The following PTPRD variants were observed in gnomAD, a reference collection of about 807,000 sequenced individuals.
PTPRD encodes the protein protein tyrosine phosphatase receptor type D, also known as receptor-type tyrosine-protein phosphatase delta.
Under a neutral mutation model 214.5 loss-of-function variants are expected in PTPRD, and 34 were observed. The observed-to-expected ratio is 0.16, with a 90% confidence interval of 0.12 to 0.21. The LOEUF (loss-of-function observed/expected upper bound fraction) is 0.21. PTPRD is among the 10% of genes least tolerant of loss of function. The pLI, the probability that PTPRD is intolerant of heterozygous loss-of-function variation, is 1.00. For missense variants in PTPRD, 2,545 were observed against 2,398.7 expected, an observed-to-expected ratio of 1.06 and a Z score of -1.27; for synonymous variants, 1,128 against 845.7, an observed-to-expected ratio of 1.33 and a Z score of -5.79.
At chr9:9,465,709 T>C (rs1297664344) in intron 8 of PTPRD, among the ~76,000 whole-genome samples, 1 of 152,182 alleles carries the variant, frequency 6.6e-6, no homozygotes, top group Non-Finnish European at 1.5e-5. Flanking sequence ...AAACATTTAA[T>C]GTGAGATTTT....
At chr9:9,008,477 C>T (rs1229533148) in intron 11 of PTPRD, among the ~76,000 whole-genome samples, 13 of 151,922 alleles carry the variant, frequency 8.6e-5, no homozygotes, top group Non-Finnish European at 8.8e-5. Context: ...CCACCCGTCT[C>T]GGCCTCCCAA....
At chr9:9,439,566 T>A (rs925393351) in intron 8 of PTPRD, among the ~76,000 whole-genome samples, 2 of 152,158 alleles carry the variant, frequency 1.3e-5, no homozygotes, top group African/African-American at 2.4e-5. Flanking sequence ...AATAGGAAAC[T>A]GCTTCATCAG....
intron 3 of PTPRD, among the ~76,000 whole-genome samples, chr9:10,242,609 A>ATT (rs57797070): frequency 0.51 from 72,786 of 143,058 alleles, 20,748 homozygotes; most frequent in East Asian, 0.65. Context: ...CATTGAATAC[A>ATT]TTTTTTTTTT....
At chr9:8,959,400 A>T (rs544575894) in intron 11 of PTPRD, among the ~76,000 whole-genome samples, 6 of 152,098 alleles carry the variant, frequency 3.9e-5, no homozygotes, top group African/African-American at 1.4e-4. Context: ...GGGAAAGAAG[A>T]AATAATACAT....
chr9:9,075,954 T>C (rs918908337), intron 10 of PTPRD, among the ~76,000 whole-genome samples: 2 of 152,180 alleles, frequency 1.3e-5, no homozygotes, highest in Admixed American at 6.5e-5. Flanking sequence ...TCAAATGGTA[T>C]GTCTAGTTCT....
chr9:8,404,489 C>G (rs1423907216), intron 36 of PTPRD, 48 bp downstream of exon 36: 1 of 1,583,366 alleles, frequency 6.3e-7, no homozygotes, highest in Non-Finnish European at 8.6e-7. Flanking sequence ...CATGCACATA[C>G]TCAAATCCAT....
intron 2 of PTPRD, among the ~76,000 whole-genome samples, chr9:10,412,000 G>C (rs2098440512): frequency 6.6e-6 from 1 of 151,690 alleles, no homozygotes; most frequent in Non-Finnish European, 1.5e-5. Context: ...CATGCATTTA[G>C]ACCTGCAACT....
chr9:9,799,135 A>G (rs1284954774), intron 5 of PTPRD, among the ~76,000 whole-genome samples: 4 of 152,194 alleles, frequency 2.6e-5, no homozygotes, highest in Non-Finnish European at 5.9e-5. Flanking sequence ...CAATTTATAT[A>G]TTTTAAAAAT....
chr9:10,537,050 T>C (rs1056566975), intron 2 of PTPRD, among the ~76,000 whole-genome samples: 1 of 152,152 alleles, frequency 6.6e-6, no homozygotes, highest in Admixed American at 6.6e-5. Flanking sequence ...AGCTCTGAAA[T>C]AGCATTCTGT....
chr9:9,218,265 G>A (rs749585088), intron 9 of PTPRD, among the ~76,000 whole-genome samples: 1 of 151,972 alleles, frequency 6.6e-6, no homozygotes, highest in Admixed American at 6.6e-5. Flanking sequence ...TTCTAATCAA[G>A]CCTATGCAAC....
intron 11 of PTPRD, among the ~76,000 whole-genome samples, chr9:8,760,120 C>G (rs373160102): frequency 1.3e-5 from 2 of 152,120 alleles, no homozygotes; most frequent in South Asian, 4.1e-4. Flanking sequence ...TGGTAGAGAC[C>G]GGGTTTTACC....
intron 4 of PTPRD, among the ~76,000 whole-genome samples, chr9:10,018,363 G>T (rs2096767949): frequency 6.6e-6 from 1 of 151,994 alleles, no homozygotes; most frequent in African/African-American, 2.4e-5. Flanking sequence ...CTTTCTCAGT[G>T]TATCTGTCAG....
chr9:10,049,440 GA>G (rs34304386), intron 3 of PTPRD, among the ~76,000 whole-genome samples: 16,808 of 137,630 alleles, frequency 0.12, 2,211 homozygotes, highest in African/African-American at 0.34. Flanking sequence ...AGAAAGAAAA[GA>G]AAAAAAAAAA....
intron 9 of PTPRD, among the ~76,000 whole-genome samples, chr9:9,275,152 ATT>A (rs1944875924): frequency 1.6e-5 from 1 of 63,272 alleles, no homozygotes; most frequent in South Asian, 3.7e-4. Context: ...TATATAATAT[ATT>A]ATATATATAA....
At chr9:8,448,862 G>C (rs1045528817) in intron 34 of PTPRD, among the ~76,000 whole-genome samples, 3 of 152,192 alleles carry the variant, frequency 2.0e-5, no homozygotes, top group Non-Finnish European at 4.4e-5. Context: ...ACAATTTGTG[G>C]GACAACACTG....
intron 3 of PTPRD, among the ~76,000 whole-genome samples, chr9:10,112,724 A>G (rs549658100): frequency 6.6e-6 from 1 of 152,308 alleles, no homozygotes; most frequent in East Asian, 1.9e-4. Flanking sequence ...CTAGGTTTCA[A>G]TTTTCTAACG....
chr9:9,709,446 G>A (rs1005001451), intron 7 of PTPRD, among the ~76,000 whole-genome samples: 1 of 151,860 alleles, frequency 6.6e-6, no homozygotes, highest in Non-Finnish European at 1.5e-5. Flanking sequence ...CAACACTCAG[G>A]TAGTAAACTA....
At chr9:9,965,001 T>C (rs1250617701) in intron 4 of PTPRD, among the ~76,000 whole-genome samples, 1 of 152,134 alleles carries the variant, frequency 6.6e-6, no homozygotes. Flanking sequence ...AAATTCATAA[T>C]TTTATTTTGG....
chr9:9,191,140 G>T (rs1005682854), intron 9 of PTPRD, among the ~76,000 whole-genome samples: 6 of 152,110 alleles, frequency 3.9e-5, no homozygotes, highest in Non-Finnish European at 7.4e-5. Context: ...TTTCTTGCTT[G>T]CTATGTCACA....
Sources: gnomAD v4.1 joint callset for allele counts (sites outside exome capture counted in the v4.1 genomes callset) on GRCh38, gnomAD v4.1.1 for gene constraint, MANE v1.5 for transcripts, NCBI Gene and HGNC (gene_info 2026-07-23, HGNC 2026-07-21) for gene names.